SMIM3: variants seen among roughly 807,000 people sequenced by gnomAD.
SMIM3 encodes the protein NGF-induced differentiation clone 67 protein.
A neutral mutation model predicts 2.1 loss-of-function variants in SMIM3; 4 were observed. The ratio of observed to expected loss-of-function variants is 1.89; its 90% CI spans 0.93 to 4.31. SMIM3 has a LOEUF of 4.31. SMIM3 is among the 30% of genes most tolerant of loss of function. SMIM3 has a pLI of 0.01. For synonymous variants in SMIM3, 29 were observed against 30.8 expected (o/e 0.94, Z 0.19); for missense variants, 79 against 77.7 (o/e 1.02, Z -0.06).
At chr5:150,794,158 G>C (rs940104544) in intron 1 of SMIM3, among the ~76,000 whole-genome samples, 4 of 152,050 alleles carry the variant, frequency 2.6e-5, no homozygotes, top group African/African-American at 9.7e-5. Flanking sequence ...ATAATAAAAA[G>C]AAAATCAGAA....
chr5:150,792,822 G>A lies in SMIM3; in HGVS notation c.-11-2608G>A, dbSNP rs75689908. On this transcript the variant is annotated intron_variant, in intron 1 of 1. Coordinates refer to ENST00000526627, the MANE Select transcript of SMIM3 (RefSeq NM_032947.5). Reference sequence around the variant, plus strand: ...TTCCCAAAGTGTTGGGGTTATAGGCGTGAGCCATTGCACCCAGCCTGAAGT... The same window carrying A: ...TTCCCAAAGTGTTGGGGTTATAGGCATGAGCCATTGCACCCAGCCTGAAGT... Among the ~76,000 whole-genome samples, 38 of 152,340 alleles carry A rather than the reference G, an allele frequency of 2.5e-4. No homozygotes were observed. In the East Asian group the frequency reaches 4.2e-3, roughly 17 times the overall value.
rs375288396 is a variant in SMIM3, at chr5:150,779,560, AG to A, written c.-12+589del. Reference sequence around the variant, plus strand: ...AATTGGGAAAACATTTTCTGCGTGCAGAAAGCAAAGGAGAAAGGACATGAGC... The same window carrying A: ...AATTGGGAAAACATTTTCTGCGTGCAAAAGCAAAGGAGAAAGGACATGAGC... On this transcript the variant is annotated intron_variant, in intron 1 of 1. Transcript: ENST00000526627. Among the ~76,000 whole-genome samples, 72 of 152,340 alleles carry A rather than the reference AG, an allele frequency of 4.7e-4. 1 individual carries two copies. In the South Asian group the frequency reaches 0.013, roughly 28 times the overall value.
Position 150,795,446 on chromosome 5 carries a change from T to G in SMIM3, c.6T>G (p.Asp2Glu). M[D>E]AVSQVPMEVV... ...CTGTTGCAGAGTGAAGCAACATGGA[T>G]GCAGTCAGCCAAGTCCCCATGGAAG... Residue 2 changes from aspartate to glutamate, a missense_variant, in exon 2 of 2, where the codon GAT (aspartate) becomes GAG (glutamate). Coordinates refer to ENST00000526627, the MANE Select transcript of SMIM3 (RefSeq NM_032947.5). 6.2e-7 allele frequency: 1 copy of G among 1,613,980 alleles called. No individual in the cohort carries two copies. Among genetic ancestry groups the G allele is most frequent in the Non-Finnish European group, 8.5e-7 (1 of 1,179,880 alleles).
In SMIM3 at chr5:150,794,058, CAT is replaced by C. The variant is rs966193674; in HGVS notation, c.-11-1369_-11-1368del. ...AAGAAGATGTACAAATGGTCAAAAA[CAT>C]ATGAAAAAATGATCAACATCACTAA... On this transcript the variant is annotated intron_variant, in intron 1 of 1. Coordinates refer to ENST00000526627, the MANE Select transcript of SMIM3 (RefSeq NM_032947.5). 3.2e-4 allele frequency among the ~76,000 whole-genome samples: 49 copies of C among 152,150 alleles called. 1 individual carries two copies. Among genetic ancestry groups the C allele is most frequent in the African/African-American group, 1.2e-3 (49 of 41,534 alleles).
intron 1 of SMIM3, among the ~76,000 whole-genome samples, chr5:150,782,190 T>G (rs1194307256): frequency 6.6e-6 from 1 of 152,152 alleles, no homozygotes; most frequent in African/African-American, 2.4e-5. Flanking sequence ...TTTTGGTAGT[T>G]GTATGTCCTG....
intron 1 of SMIM3, among the ~76,000 whole-genome samples, chr5:150,789,471 G>A (rs1170161978): frequency 6.6e-6 from 1 of 152,182 alleles, no homozygotes; most frequent in Non-Finnish European, 1.5e-5. Context: ...GAAACAGGGA[G>A]ATAGAGCTCC....
chr5:150,785,580 C>CTTTTTTTTTTTT (rs35273478), intron 1 of SMIM3, among the ~76,000 whole-genome samples: 4 of 113,678 alleles, frequency 3.5e-5, no homozygotes, highest in African/African-American at 6.0e-5. Context: ...TATTTCTTTT[C>CTTTTTTTTTTTT]TTTTTTTTTT....
chr5:150,791,048 G>A (rs1165162507), intron 1 of SMIM3, among the ~76,000 whole-genome samples: 1 of 151,960 alleles, frequency 6.6e-6, no homozygotes, highest in African/African-American at 2.4e-5. Context: ...AAATTCAAAC[G>A]GCATAAAATC....
rs540990696 is a variant in SMIM3 at position 150,784,111 on chromosome 5, G to T, written c.-12+5139G>T. Among the ~76,000 whole-genome samples the T allele has an allele frequency of 9.9e-5, 15 of 151,980 alleles. No homozygotes were observed. In the East Asian group the frequency reaches 2.7e-3, roughly 27 times the overall value. On this transcript the variant is annotated intron_variant, in intron 1 of 1. Coordinates refer to ENST00000526627, the MANE Select transcript of SMIM3 (RefSeq NM_032947.5). ...TTTTTGTACTTTTAGTAGAGGCAGG[G>T]TTTTACCATGTTGGCCAGGATGGTC...
chr5:150,795,347 T>G, intron 1 of SMIM3, 83 bp from the exon 2 acceptor site: 1 of 1,431,416 alleles, frequency 7.0e-7, no homozygotes, highest in East Asian at 2.3e-5. Flanking sequence ...TGACCCAGGC[T>G]TCTGACTCCT....
chr5:150,785,232 C>G (rs186844911), intron 1 of SMIM3, among the ~76,000 whole-genome samples: 1 of 151,762 alleles, frequency 6.6e-6, no homozygotes, highest in East Asian at 1.9e-4. Context: ...GGATTACAGA[C>G]GTGTGCCACC....
chr5:150,790,860 C>T (rs1373138100), intron 1 of SMIM3, among the ~76,000 whole-genome samples: 1 of 152,016 alleles, frequency 6.6e-6, no homozygotes, highest in Non-Finnish European at 1.5e-5. Context: ...TGGTATGTGG[C>T]ATTTGGTGAC....
intron 1 of SMIM3, among the ~76,000 whole-genome samples, chr5:150,789,776 T>C (rs983759451): frequency 1.3e-5 from 2 of 152,160 alleles, no homozygotes; most frequent in African/African-American, 4.8e-5. Flanking sequence ...TGTAGTATTA[T>C]TTTTAGTTTG....
chr5:150,779,829 A>ATCT (rs1753212584), intron 1 of SMIM3, among the ~76,000 whole-genome samples: 1 of 111,024 alleles, frequency 9.0e-6, no homozygotes, highest in East Asian at 2.8e-4. Context: ...GAAAGGTGTA[A>ATCT]CCCCCCCCGC....
In SMIM3 at chr5:150,788,911, G is replaced by C. The variant is rs1189724220; in HGVS notation, c.-11-6519G>C. Among the ~76,000 whole-genome samples the C allele has an allele frequency of 6.6e-5, 10 of 152,256 alleles. No individual in the cohort carries two copies. In the South Asian group the frequency reaches 2.1e-3, roughly 32 times the overall value. On this transcript the variant is annotated intron_variant, in intron 1 of 1. Transcript: ENST00000526627. ...TGGCTTTTCTGCTGGTGAGCTCAGGGTGGTTTCCGTGCAGTTTCTTAGACA... is the reference window on the plus strand; with the variant it reads ...TGGCTTTTCTGCTGGTGAGCTCAGGCTGGTTTCCGTGCAGTTTCTTAGACA...
chr5:150,793,843 C>G (rs1052553399), intron 1 of SMIM3, among the ~76,000 whole-genome samples: 2 of 152,144 alleles, frequency 1.3e-5, no homozygotes, highest in Non-Finnish European at 1.5e-5. Flanking sequence ...AACTAAAGAG[C>G]TTTTTCATGG....
At position 150,792,546 on chromosome 5, in the gene SMIM3, TA is replaced by T. The variant is rs987572073; in HGVS notation, c.-11-2883del. Among the ~76,000 whole-genome samples, 129 of 152,278 alleles carry T rather than the reference TA, an allele frequency of 8.5e-4. 2 individuals carry two copies. The highest frequency in any genetic ancestry group is 3.0e-3 in the African/African-American group (126 of 41,546). On this transcript the variant is annotated intron_variant, in intron 1 of 1. Transcript: ENST00000526627. Reference sequence around the variant, plus strand: ...AATTTATGAAGTTGATTAAAAAAATTATTTTTGAGATAGGGTCTTGCTCTGT... The same window carrying T: ...AATTTATGAAGTTGATTAAAAAAATTTTTTTGAGATAGGGTCTTGCTCTGT...
intron 1 of SMIM3, among the ~76,000 whole-genome samples, chr5:150,790,745 T>TG (rs1753341528): frequency 6.6e-6 from 1 of 152,032 alleles, no homozygotes; most frequent in Non-Finnish European, 1.5e-5. Context: ...ACCTGGACAA[T>TG]GGGAAAAAAG....
In SMIM3 at chr5:150,778,795, G is replaced by A. The variant is rs1348488597; in HGVS notation, c.-189G>A. 4.3e-6 allele frequency: 2 copies of A among 467,398 alleles called. No homozygotes were observed. Among genetic ancestry groups the A allele is most frequent in the Non-Finnish European group, 4.4e-6 (1 of 225,870 alleles). 29.0% of individuals were successfully genotyped at this position (467,398 alleles called of 1,614,324 possible). The stretch of plus-strand genomic sequence containing the variant: ...AGCAGCGCGTCCTGGCCGCTCCTGC[G>A]CTCTCCCGCCTCCCGGGGCTCGGAG... On this transcript the variant is annotated 5_prime_UTR_variant, in exon 1 of 2. Transcript: ENST00000526627.
Sources: gnomAD v4.1 joint callset for allele counts (sites outside exome capture counted in the v4.1 genomes callset) on GRCh38, gnomAD v4.1.1 for gene constraint, MANE v1.5 for transcripts, NCBI Gene and HGNC (gene_info 2026-07-23, HGNC 2026-07-21) for gene names.